RHBDD2: variants seen among roughly 807,000 people sequenced by gnomAD.
RHBDD2 encodes rhomboid domain-containing protein 2.
In RHBDD2, 13 loss-of-function variants were observed where a neutral mutation model predicts 21.7. That is an observed-to-expected ratio of 0.60 (90% CI 0.39 to 0.95). The LOEUF is 0.95. Among genes scored for constraint, RHBDD2 ranks in the 40% least tolerant of loss-of-function variants. The pLI, the probability that RHBDD2 is intolerant of heterozygous loss-of-function variation, is 0.00. For missense variants in RHBDD2, 473 were observed against 478.9 expected, an observed-to-expected ratio of 0.99 and a Z score of 0.11; for synonymous variants, 225 against 220.0, an observed-to-expected ratio of 1.02 and a Z score of -0.20.
intron 1 of RHBDD2, chr7:75,881,429 C>G: frequency 7.7e-7 from 1 of 1,295,356 alleles, no homozygotes; most frequent in Non-Finnish European, 1.0e-6. Flanking sequence ...TTAAGTGACA[C>G]CCACTCAATC....
intron 2 of RHBDD2, among the ~76,000 whole-genome samples, 153 bp downstream of exon 2, chr7:75,882,389 C>T (rs1336383567): frequency 6.6e-6 from 1 of 152,174 alleles, no homozygotes; most frequent in Admixed American, 6.5e-5. Flanking sequence ...GTGGCAGGAT[C>T]TCAACTCACT....
intron 2 of RHBDD2, 23 bp downstream of exon 2, chr7:75,882,259 A>G (rs782582055): frequency 2.5e-6 from 4 of 1,581,346 alleles, no homozygotes; most frequent in Non-Finnish European, 3.4e-6. Flanking sequence ...GCAGAGAGCT[A>G]TAGAACAACG....
chr7:75,879,277 C>G lies in RHBDD2; in HGVS notation c.178+17C>G. 1 of 1,459,158 alleles carries G rather than the reference C, an allele frequency of 6.9e-7. No homozygotes were observed. 90.4% of individuals were successfully genotyped at this position (1,459,158 alleles called of 1,614,324 possible). A position where few individuals can be genotyped will look rare whatever the true frequency, so the allele number is the denominator to read the frequency against. On this transcript the variant is annotated intron_variant, in intron 1 of 3. Coordinates refer to ENST00000006777, the MANE Select transcript of RHBDD2 (RefSeq NM_001040456.3). ...ACTGGCAAGGTGAGCAGGGGCGGGC[C>G]GGGATCGCGGGGCGAGTCCTTGTCC... is the stretch of plus-strand genomic sequence containing the variant.
At chr7:75,887,107 C>G (rs561089806) in intron 3 of RHBDD2, among the ~76,000 whole-genome samples, 123 of 150,536 alleles carry the variant, frequency 8.2e-4, no homozygotes, top group African/African-American at 2.9e-3. Flanking sequence ...GACAGCTTGT[C>G]TCCTCAGAGG....
intron 3 of RHBDD2, among the ~76,000 whole-genome samples, chr7:75,886,743 G>C (rs1397802465): frequency 6.6e-6 from 1 of 152,058 alleles, no homozygotes; most frequent in Non-Finnish European, 1.5e-5. Context: ...GAACCTGGGA[G>C]GTGGAGCTTG....
chr7:75,888,305 G>A lies in RHBDD2; in HGVS notation c.1051G>A (p.Gly351Arg). Residue 351 changes from glycine (G) to arginine (R), a missense_variant, in exon 4 of 4, where the codon GGG becomes AGG. Physicochemically the swap from Gly to Arg is moderately radical, Grantham distance 125. Coordinates refer to ENST00000006777, the MANE Select transcript of RHBDD2 (RefSeq NM_001040456.3). ...GTATTCTGGGGCCTTGGGCACACCA[G>A]GGGCTGCAGGCTCCAAGGAGTCCTC... is the stretch of plus-strand genomic sequence containing the variant. ...TVYSGALGTP[G>R]AAGSKESSRV... 4 of 1,612,764 alleles carry A rather than the reference G, an allele frequency of 2.5e-6. No individual in the cohort carries two copies. Among genetic ancestry groups the A allele is most frequent in the Non-Finnish European group, 3.4e-6 (4 of 1,179,858 alleles).
chr7:75,888,435 C>A lies in RHBDD2; in HGVS notation c.*86C>A. Reference sequence around the variant, plus strand: ...GACAAAAGTTACTTATTGAACACCTCTATGTGCCAGGCTCTGTGTTGGGTA... The same window carrying A: ...GACAAAAGTTACTTATTGAACACCTATATGTGCCAGGCTCTGTGTTGGGTA... On this transcript the variant is annotated 3_prime_UTR_variant, in exon 4 of 4. Coordinates refer to ENST00000006777, the MANE Select transcript of RHBDD2 (RefSeq NM_001040456.3). 9.5e-7 allele frequency: 1 copy of A among 1,055,300 alleles called. No individual in the cohort carries two copies. The highest frequency in any genetic ancestry group is 1.4e-6 in the Non-Finnish European group (1 of 707,322). 65.4% of individuals were successfully genotyped at this position (1,055,300 alleles called of 1,614,324 possible).
chr7:75,881,591 C>T, intron 1 of RHBDD2: 2 of 1,249,444 alleles, frequency 1.6e-6, no homozygotes, highest in Non-Finnish European at 2.2e-6. Flanking sequence ...AAGTCAGTTA[C>T]CGCTAAGAGT....
Position 75,879,215 on chromosome 7 carries a change from CCCTCGGG to C in RHBDD2, c.138_144del (p.Gly47ArgfsTer2), listed in dbSNP as rs1805166968. 2.6e-6 allele frequency: 4 copies of C among 1,522,430 alleles called. No individual in the cohort carries two copies. Among genetic ancestry groups the C allele is most frequent in the Non-Finnish European group, 3.5e-6 (4 of 1,133,582 alleles). The allele number at this position is 1,522,430 out of a possible 1,614,324, so 94.3% of individuals were successfully genotyped here. A position where few individuals can be genotyped will look rare whatever the true frequency, so the allele number is the denominator to read the frequency against. Reference sequence around the variant, plus strand: ...GTTCCTGCTGCAGCAGCCCCTGGCGCCCTCGGGCCTCACGCTGAAGTCCGAGGCCCTT... The same window carrying C: ...GTTCCTGCTGCAGCAGCCCCTGGCGCCCTCACGCTGAAGTCCGAGGCCCTT... On this transcript the variant is annotated frameshift_variant, in exon 1 of 4. Coordinates refer to ENST00000006777, the MANE Select transcript of RHBDD2 (RefSeq NM_001040456.3). LOFTEE classifies it high-confidence loss of function.
At chr7:75,886,013 C>T (rs1251010734) in intron 3 of RHBDD2, among the ~76,000 whole-genome samples, 2 of 152,142 alleles carry the variant, frequency 1.3e-5, no homozygotes, top group African/African-American at 2.4e-5. Context: ...ATTATAGGCG[C>T]GTGCCACTAT....
chr7:75,881,739 G>A, intron 1 of RHBDD2, 90 bp from the exon 2 acceptor site: 1 of 1,302,518 alleles, frequency 7.7e-7, no homozygotes, highest in South Asian at 1.4e-5. Flanking sequence ...TCACGGAGGG[G>A]GGCTCTCTGC....
At chr7:75,879,486 A>G (rs1805190317) in intron 1 of RHBDD2, among the ~76,000 whole-genome samples, 1 of 151,918 alleles carries the variant, frequency 6.6e-6, no homozygotes, top group African/African-American at 2.4e-5. Flanking sequence ...TCATCACTGT[A>G]ATCCCTTCCC....
At chr7:75,887,256 G>A (rs1228332486) in intron 3 of RHBDD2, among the ~76,000 whole-genome samples, 3 of 143,742 alleles carry the variant, frequency 2.1e-5, no homozygotes, top group African/African-American at 7.8e-5. Flanking sequence ...TCCTACCTCA[G>A]CCTCTTAAGT....
At position 75,887,974 on chromosome 7, in the gene RHBDD2, T is replaced by C; in HGVS notation, c.738-18T>C. The stretch of plus-strand genomic sequence containing the variant: ...CAAGACTCGCTGAAGGACCATTTTC[T>C]CTCTTGTTCCATTCCAGACTGAACC... On this transcript the variant is annotated intron_variant, in intron 3 of 3. Coordinates refer to ENST00000006777, the MANE Select transcript of RHBDD2 (RefSeq NM_001040456.3). 1 of 1,594,042 alleles carries C rather than the reference T, an allele frequency of 6.3e-7. No homozygotes were observed. The highest frequency in any genetic ancestry group is 8.6e-7 in the Non-Finnish European group (1 of 1,165,086).
intron 2 of RHBDD2, among the ~76,000 whole-genome samples, chr7:75,882,640 T>A (rs1483345725): frequency 6.6e-6 from 1 of 151,830 alleles, no homozygotes; most frequent in Non-Finnish European, 1.5e-5. Context: ...CTGATCATAA[T>A]TTTTTTTTAC....
At chr7:75,885,742 C>G (rs1226125381) in intron 3 of RHBDD2, among the ~76,000 whole-genome samples, 1 of 152,062 alleles carries the variant, frequency 6.6e-6, no homozygotes, top group Non-Finnish European at 1.5e-5. Context: ...ACACCCAGCT[C>G]TTACCTAAAC....
intron 1 of RHBDD2, among the ~76,000 whole-genome samples, 199 bp downstream of exon 1, chr7:75,879,459 T>G (rs912664885): frequency 6.6e-6 from 1 of 152,216 alleles, no homozygotes; most frequent in Admixed American, 6.5e-5. Flanking sequence ...CACCTTTGTC[T>G]GCAGACCCCA....
chr7:75,881,973 T>TCTTCTCCGC lies in RHBDD2; in HGVS notation c.324_332dup (p.Phe109_Ala111dup), dbSNP rs1805353254. On this transcript the variant is annotated inframe_insertion, in exon 2 of 4. Coordinates refer to ENST00000006777, the MANE Select transcript of RHBDD2 (RefSeq NM_001040456.3). The stretch of plus-strand genomic sequence containing the variant: ...TGCTTCTTCACCGTGATCTTCGCCA[T>TCTTCTCCGC]CTTCTCCGCTATCATCTTCCTGTCA... 1 of 1,614,140 alleles carries TCTTCTCCGC rather than the reference T, an allele frequency of 6.2e-7. No homozygotes were observed. Among genetic ancestry groups the TCTTCTCCGC allele is most frequent in the African/African-American group, 1.3e-5 (1 of 74,950 alleles).
Position 75,881,963 on chromosome 7 carries a change from A to G in RHBDD2, c.313A>G (p.Ile105Val), listed in dbSNP as rs1554542632. The stretch of plus-strand genomic sequence containing the variant: ...CGTCCGCCACTGCTTCTTCACCGTG[A>G]TCTTCGCCATCTTCTCCGCTATCAT... ...GTVRHCFFTV[I>V]FAIFSAIIFL... The change falls in exon 2 of 4, where the codon ATC (isoleucine) becomes GTC (valine). Residue 105 changes from isoleucine (I) to valine (V), a missense_variant. Physicochemically the swap from Ile to Val is conservative, Grantham distance 29. Coordinates refer to ENST00000006777, the MANE Select transcript of RHBDD2 (RefSeq NM_001040456.3). The G allele has an allele frequency of 6.2e-7, 1 of 1,614,206 alleles. No individual in the cohort carries two copies. The highest frequency in any genetic ancestry group is 1.1e-5 in the South Asian group (1 of 91,086).
Sources: gnomAD v4.1 joint callset for allele counts (sites outside exome capture counted in the v4.1 genomes callset) on GRCh38, gnomAD v4.1.1 for gene constraint, MANE v1.5 for transcripts, NCBI Gene and HGNC (gene_info 2026-07-23, HGNC 2026-07-21) for gene names.